The following EIF2B3 variants were observed in gnomAD, a reference collection of about 807,000 sequenced individuals.
EIF2B3 encodes translation initiation factor eIF2B subunit gamma.
A neutral mutation model predicts 54.1 loss-of-function variants in EIF2B3; 20 were observed. The ratio of observed to expected loss-of-function variants is 0.37; its 90% confidence interval spans 0.26 to 0.54. EIF2B3 has a LOEUF of 0.54. EIF2B3 is among the 20% of genes least tolerant of loss of function. EIF2B3 has a pLI of 0.86. For missense variants in EIF2B3, 448 were observed against 547.8 expected (o/e 0.82, Z 1.82); for synonymous variants, 153 against 188.1 (o/e 0.81, Z 1.52).
intron 5 of EIF2B3, among the ~76,000 whole-genome samples, chr1:44,900,887 A>G (rs1643280793): frequency 6.6e-6 from 1 of 152,142 alleles, no homozygotes; most frequent in Admixed American, 6.5e-5. Flanking sequence ...TGTTCATTCA[A>G]GTCTTTTGCC....
chr1:44,936,560 C>T (rs566967651), intron 4 of EIF2B3, among the ~76,000 whole-genome samples: 303 of 152,200 alleles, frequency 2.0e-3, no homozygotes, highest in Non-Finnish European at 2.3e-3. Context: ...CATTGCACTC[C>T]AGCCTGGGTG....
At chr1:44,944,771 G>T (rs1207635994) in intron 3 of EIF2B3, among the ~76,000 whole-genome samples, 1 of 152,170 alleles carries the variant, frequency 6.6e-6, no homozygotes, top group Non-Finnish European at 1.5e-5. Context: ...CAAGACTCTA[G>T]TGAGCTACAA....
At position 44,955,210 on chromosome 1, in the gene EIF2B3, G is replaced by A. The variant is rs765493354; in HGVS notation, c.295-13545C>T. Among the ~76,000 whole-genome samples the A allele has an allele frequency of 3.5e-4, 53 of 152,024 alleles. 1 individual carries two copies. Among genetic ancestry groups the A allele is most frequent in the Admixed American group, 3.0e-3 (45 of 15,248 alleles). On this transcript the variant is annotated intron_variant, in intron 3 of 11. Coordinates refer to ENST00000360403, the MANE Select transcript of EIF2B3 (RefSeq NM_020365.5). ...GAACAGAGGCCTCAGAAATAACGCC[G>A]CACATCTACAACCATATGATCTTTG...
intron 3 of EIF2B3, among the ~76,000 whole-genome samples, chr1:44,942,412 TATATA>T (rs1298822507): frequency 1.0e-3 from 20 of 19,606 alleles, no homozygotes; most frequent in Non-Finnish European, 1.2e-3. Flanking sequence ...TATATATATA[TATATA>T]TTTTTTTTTT....
intron 5 of EIF2B3, among the ~76,000 whole-genome samples, chr1:44,918,240 C>G (rs560443680): frequency 1.3e-5 from 2 of 151,618 alleles, no homozygotes; most frequent in African/African-American, 4.8e-5. Flanking sequence ...TCCACCACCA[C>G]GCTCAAATAA....
chr1:44,981,252 A>G lies in EIF2B3; in HGVS notation c.-9-75T>C, dbSNP rs1035557914. 13 of 1,507,174 alleles carry G rather than the reference A, an allele frequency of 8.6e-6. No individual in the cohort carries two copies. The African/African-American group carries it at 1.6e-4, about 19-fold the overall frequency. 93.4% of individuals were successfully genotyped at this position (1,507,174 alleles called of 1,614,324 possible). On this transcript the variant is annotated intron_variant, in intron 1 of 11. Coordinates refer to ENST00000360403, the MANE Select transcript of EIF2B3 (RefSeq NM_020365.5). Reference sequence around the variant, plus strand: ...ATCAAAGCACACATACTACTAGCCTATTTTTATTTAGGTTACTGATACCCA... The same window carrying G: ...ATCAAAGCACACATACTACTAGCCTGTTTTTATTTAGGTTACTGATACCCA...
intron 3 of EIF2B3, among the ~76,000 whole-genome samples, chr1:44,964,662 C>T (rs1020416731): frequency 6.6e-6 from 1 of 152,156 alleles, no homozygotes; most frequent in African/African-American, 2.4e-5. Flanking sequence ...AGGAACTATA[C>T]CTCTAACGAC....
chr1:44,883,571 A>G (rs1655481353), intron 6 of EIF2B3, among the ~76,000 whole-genome samples: 1 of 152,076 alleles, frequency 6.6e-6, no homozygotes. Flanking sequence ...CCACACCCCT[A>G]TGATTGCATC....
At chr1:44,911,863 C>CG (rs1471828265) in intron 5 of EIF2B3, among the ~76,000 whole-genome samples, 1 of 146,278 alleles carries the variant, frequency 6.8e-6, no homozygotes, top group Non-Finnish European at 1.5e-5. Flanking sequence ...CCCCCTCCCC[C>CG]AACCCACAAC....
intron 10 of EIF2B3, among the ~76,000 whole-genome samples, chr1:44,871,254 T>G (rs2148899574): frequency 6.6e-6 from 1 of 152,362 alleles, no homozygotes; most frequent in South Asian, 2.1e-4. Flanking sequence ...CACCTTATTG[T>G]CTGTCTTCTC....
chr1:44,912,689 C>T (rs1392035), intron 5 of EIF2B3, among the ~76,000 whole-genome samples: 25,931 of 152,156 alleles, frequency 0.17, 2,319 homozygotes, highest in Non-Finnish European at 0.18. Flanking sequence ...ACCACCTCAG[C>T]GCCTAGGATT....
chr1:44,909,512 T>A (rs1236140556), intron 5 of EIF2B3, among the ~76,000 whole-genome samples: 3 of 152,084 alleles, frequency 2.0e-5, no homozygotes, highest in African/African-American at 7.2e-5. Flanking sequence ...AGCCCTGAAA[T>A]GATCAGGAAT....
intron 8 of EIF2B3, among the ~76,000 whole-genome samples, chr1:44,879,462 A>G (rs1655312517): frequency 6.6e-6 from 1 of 152,202 alleles, no homozygotes; most frequent in Non-Finnish European, 1.5e-5. Flanking sequence ...TGTTTACTTC[A>G]TCAGAGTAAT....
intron 6 of EIF2B3, among the ~76,000 whole-genome samples, chr1:44,882,933 T>TTC (rs1194625252): frequency 3.5e-5 from 5 of 142,850 alleles, no homozygotes; most frequent in Non-Finnish European, 7.7e-5. Context: ...TTTTTCTTTT[T>TTC]TTTTTTTTTT....
chr1:44,946,823 G>A (rs1644107461), intron 3 of EIF2B3, among the ~76,000 whole-genome samples: 1 of 152,008 alleles, frequency 6.6e-6, no homozygotes, highest in Admixed American at 6.6e-5. Flanking sequence ...ATTCTAAAAT[G>A]TAAAGCCCAT....
At chr1:44,930,331 A>T (rs1181611889) in intron 4 of EIF2B3, among the ~76,000 whole-genome samples, 1 of 152,240 alleles carries the variant, frequency 6.6e-6, no homozygotes, top group Admixed American at 6.5e-5. Context: ...TTAGCAAGTC[A>T]AAATAGTATG....
chr1:44,902,744 T>C (rs1643333892), intron 5 of EIF2B3, among the ~76,000 whole-genome samples: 2 of 148,816 alleles, frequency 1.3e-5, no homozygotes, highest in African/African-American at 4.9e-5. Flanking sequence ...GGGAGGACTG[T>C]TTGAGCCCAG....
intron 5 of EIF2B3, among the ~76,000 whole-genome samples, chr1:44,901,803 A>G (rs533042275): frequency 5.3e-4 from 80 of 151,786 alleles, no homozygotes; most frequent in Middle Eastern, 6.8e-3. Flanking sequence ...CAAGCAATCC[A>G]CCTGGTTTGG....
intron 3 of EIF2B3, among the ~76,000 whole-genome samples, chr1:44,947,043 G>A (rs1644110183): frequency 6.6e-6 from 1 of 152,144 alleles, no homozygotes; most frequent in African/African-American, 2.4e-5. Context: ...TTTGTTTCAT[G>A]GACCCACTTC....
Sources: gnomAD v4.1 joint callset for allele counts (sites outside exome capture counted in the v4.1 genomes callset) on GRCh38, gnomAD v4.1.1 for gene constraint, MANE v1.5 for transcripts, NCBI Gene and HGNC (gene_info 2026-07-23, HGNC 2026-07-21) for gene names.